The following ZNF705G variants were observed in gnomAD, a reference collection of about 807,000 sequenced individuals.
ZNF705G encodes the protein putative zinc finger protein 705G.
In ZNF705G, 23 loss-of-function variants were observed where a neutral mutation model predicts 19.6. That is an observed-to-expected ratio of 1.17 (90% CI 0.84 to 1.66). The LOEUF is 1.66. Among genes scored for constraint, ZNF705G ranks in the 40% most tolerant of loss-of-function variants. The pLI is 0.00. For missense variants in ZNF705G, 457 were observed against 354.4 expected, an observed-to-expected ratio of 1.29 and a Z score of -2.32; for synonymous variants, 146 against 117.7, an observed-to-expected ratio of 1.24 and a Z score of -1.56.
intron 1 of ZNF705G, among the ~76,000 whole-genome samples, chr8:7,383,800 G>T (rs1229662363): frequency 6.8e-6 from 1 of 147,664 alleles, no homozygotes; most frequent in Non-Finnish European, 1.5e-5. Context: ...CACCTATGCC[G>T]GTGTCTTGAT....
At position 7,359,916 on chromosome 8, in the gene ZNF705G, A is replaced by T. The variant is rs1392542372; in HGVS notation, c.236-215T>A. Among the ~76,000 whole-genome samples, 29 of 149,660 alleles carry T rather than the reference A, an allele frequency of 1.9e-4. 1 individual carries two copies. Among genetic ancestry groups the T allele is most frequent in the Admixed American group, 1.1e-3 (17 of 15,238 alleles). On this transcript the variant is annotated intron_variant, in intron 5 of 6. Coordinates refer to ENST00000400156, the MANE Select transcript of ZNF705G (RefSeq NM_001164457.3). ...AAATGTGAAAAGAGTTAAAATGGAGATGAGATATCAGGCAGGTAAAAAGAG... is the reference window on the plus strand; with the variant it reads ...AAATGTGAAAAGAGTTAAAATGGAGTTGAGATATCAGGCAGGTAAAAAGAG...
intron 2 of ZNF705G, among the ~76,000 whole-genome samples, chr8:7,369,034 T>G (rs1271207863): frequency 6.7e-6 from 1 of 149,578 alleles, no homozygotes; most frequent in Non-Finnish European, 1.5e-5. Context: ...AAGGCATGTC[T>G]TACATCACAG....
At chr8:7,367,196 A>C (rs1446157543) in intron 2 of ZNF705G, among the ~76,000 whole-genome samples, 2 of 149,602 alleles carry the variant, frequency 1.3e-5, no homozygotes. Context: ...GTCTAATGAT[A>C]TACAAGGCTT....
intron 3 of ZNF705G, among the ~76,000 whole-genome samples, chr8:7,361,594 T>G (rs548971314): frequency 6.7e-6 from 1 of 149,796 alleles, no homozygotes; most frequent in South Asian, 2.1e-4. Context: ...AAATTACAGA[T>G]TTGTCACAAG....
intron 4 of ZNF705G, 24 bp downstream of exon 4, chr8:7,361,086 G>T (rs905652399): frequency 1.3e-6 from 2 of 1,592,796 alleles, no homozygotes; most frequent in Non-Finnish European, 8.5e-7. Context: ...CTCTACATAT[G>T]TACATGAATG....
intron 5 of ZNF705G, among the ~76,000 whole-genome samples, chr8:7,360,035 G>T (rs1416159143): frequency 6.7e-6 from 1 of 148,828 alleles, no homozygotes; most frequent in Non-Finnish European, 1.5e-5. Flanking sequence ...AAAAGTGAAA[G>T]AAAAGAAAAA....
rs146784199 is a variant in ZNF705G at position 7,356,766 on chromosome 8, A to G, written c.*1210T>C. ...AAATCCATTTGTTAGGGCCGCATAAATGAAACAAGGGCTTTGCCAACATAC... is the reference window on the plus strand; with the variant it reads ...AAATCCATTTGTTAGGGCCGCATAAGTGAAACAAGGGCTTTGCCAACATAC... On this transcript the variant is annotated 3_prime_UTR_variant, in exon 7 of 7. Transcript: ENST00000400156. 1 of 149,808 alleles carries G rather than the reference A, an allele frequency of 6.7e-6. No homozygotes were observed. The highest frequency in any genetic ancestry group is 1.5e-5 in the Non-Finnish European group (1 of 68,036). The allele number at this position is 149,808 out of a possible 1,614,324, so 9.3% of individuals were successfully genotyped here. A position where few individuals can be genotyped will look rare whatever the true frequency, so the allele number is the denominator to read the frequency against.
chr8:7,368,899 C>A (rs1158134002), intron 2 of ZNF705G, among the ~76,000 whole-genome samples: 1 of 149,676 alleles, frequency 6.7e-6, no homozygotes, highest in Non-Finnish European at 1.5e-5. Context: ...GGTATTAAAC[C>A]TGCAGGTGCA....
At chr8:7,380,256 C>A (rs1807428964) in intron 2 of ZNF705G, among the ~76,000 whole-genome samples, 1 of 145,228 alleles carries the variant, frequency 6.9e-6, no homozygotes, top group Non-Finnish European at 1.5e-5. Context: ...GAGCACTATT[C>A]CAGGGCCAGA....
chr8:7,369,125 C>T (rs892981266), intron 2 of ZNF705G, among the ~76,000 whole-genome samples: 3 of 149,452 alleles, frequency 2.0e-5, no homozygotes, highest in African/African-American at 7.7e-5. Flanking sequence ...TTATTCACTA[C>T]CACGAGAACA....
chr8:7,378,366 C>A (rs1585427885), intron 2 of ZNF705G, among the ~76,000 whole-genome samples: 1 of 116,776 alleles, frequency 8.6e-6, no homozygotes, highest in Admixed American at 8.9e-5. Flanking sequence ...ACATGTATGC[C>A]TGGCCAAGAT....
chr8:7,358,595 A>C, intron 6 of ZNF705G, 35 bp from the exon 7 acceptor site: 1 of 1,605,748 alleles, frequency 6.2e-7, no homozygotes, highest in Non-Finnish European at 8.5e-7. Context: ...TTAATGGTTT[A>C]CCCACATATA....
chr8:7,361,678 G>T (rs1193982496), intron 3 of ZNF705G, among the ~76,000 whole-genome samples: 1 of 149,488 alleles, frequency 6.7e-6, no homozygotes, highest in Non-Finnish European at 1.5e-5. Context: ...TGAACCACAG[G>T]TTTCTCACCA....
chr8:7,370,609 T>C (rs1168086092), intron 2 of ZNF705G, among the ~76,000 whole-genome samples: 1 of 142,602 alleles, frequency 7.0e-6, no homozygotes, highest in Non-Finnish European at 1.5e-5. Flanking sequence ...TTTTACACTG[T>C]TGGTGGGAAT....
At position 7,356,136 on chromosome 8, in the gene ZNF705G, A is replaced by G. The variant is rs1806221184; in HGVS notation, c.*1840T>C. ...AATACATTTTTCAATTCTGAGGACA[A>G]GGCAGAGGAGGGCCCCTCTGTGAGA... is the stretch of plus-strand genomic sequence containing the variant. On this transcript the variant is annotated 3_prime_UTR_variant, in exon 7 of 7. Coordinates refer to ENST00000400156, the MANE Select transcript of ZNF705G (RefSeq NM_001164457.3). The G allele has an allele frequency of 6.7e-6, 1 of 149,350 alleles. No homozygotes were observed. The highest frequency in any genetic ancestry group is 1.5e-5 in the Non-Finnish European group (1 of 68,028). 9.3% of individuals were successfully genotyped at this position (149,350 alleles called of 1,614,324 possible). A position where few individuals can be genotyped will look rare whatever the true frequency, so the allele number is the denominator to read the frequency against.
intron 2 of ZNF705G, among the ~76,000 whole-genome samples, chr8:7,371,425 C>A (rs999720858): frequency 2.9e-5 from 4 of 139,434 alleles, no homozygotes; most frequent in African/African-American, 1.1e-4. Context: ...TACTGTATTA[C>A]ATACTTAAAA....
chr8:7,368,620 G>A (rs1473168378), intron 2 of ZNF705G, among the ~76,000 whole-genome samples: 1 of 149,912 alleles, frequency 6.7e-6, no homozygotes, highest in Non-Finnish European at 1.5e-5. Context: ...GTAACTAAAA[G>A]GAAAGCAGAT....
chr8:7,366,865 T>C (rs1339826621), intron 2 of ZNF705G, among the ~76,000 whole-genome samples: 1 of 149,730 alleles, frequency 6.7e-6, no homozygotes, highest in Non-Finnish European at 1.5e-5. Context: ...TCTCTATATC[T>C]GCATTGTCCA....
intron 4 of ZNF705G, among the ~76,000 whole-genome samples, 174 bp from the exon 5 acceptor site, chr8:7,360,506 A>C (rs191704324): frequency 2.7e-5 from 4 of 149,340 alleles, no homozygotes; most frequent in Non-Finnish European, 5.9e-5. Flanking sequence ...TGAGACTACA[A>C]AATAAATCCA....
Sources: gnomAD v4.1 joint callset for allele counts (sites outside exome capture counted in the v4.1 genomes callset) on GRCh38, gnomAD v4.1.1 for gene constraint, MANE v1.5 for transcripts, NCBI Gene and HGNC (gene_info 2026-07-23, HGNC 2026-07-21) for gene names.